Variants in CELF2 observed in about 807,000 individuals in gnomAD.
CELF2 encodes CUGBP Elav-like family member 2.
In CELF2, 8 loss-of-function variants were observed where a neutral mutation model predicts 62.6. The ratio of observed to expected loss-of-function variants is 0.13; its 90% confidence interval spans 0.07 to 0.23. The LOEUF is 0.23. Among genes scored for constraint, CELF2 ranks in the 10% least tolerant of loss-of-function variants. The pLI is 1.00. For missense variants in CELF2, 333 were observed against 671.0 expected (o/e 0.50, Z 5.56); for synonymous variants, 258 against 250.0 (o/e 1.03, Z -0.30).
chr10:10,559,372 C>T, the CELF2 span, among the ~76,000 whole-genome samples: 11 of 152,318 alleles, frequency 7.2e-5, no homozygotes, highest in South Asian at 2.3e-3. Flanking sequence ...ATTAAACTCT[C>T]TTAATCTTAA....
the CELF2 span, among the ~76,000 whole-genome samples, chr10:10,523,994 CT>C: frequency 6.6e-6 from 1 of 152,182 alleles, no homozygotes; most frequent in Non-Finnish European, 1.5e-5. Context: ...TATAGATAAA[CT>C]GTATGTGTTA....
chr10:10,982,006 A>G (rs1483238000), intron 2 of CELF2, among the ~76,000 whole-genome samples: 1 of 129,974 alleles, frequency 7.7e-6, no homozygotes, highest in Non-Finnish European at 1.5e-5. Context: ...CCCAGGCTGG[A>G]GTGCAATGGC....
At chr10:10,741,887 C>T in the CELF2 span, among the ~76,000 whole-genome samples, 1 of 152,172 alleles carries the variant, frequency 6.6e-6, no homozygotes, top group Non-Finnish European at 1.5e-5. Context: ...TTGTCTACAA[C>T]AATTGTTACT....
chr10:10,963,344 C>A (rs947678872), intron 2 of CELF2, among the ~76,000 whole-genome samples: 4 of 152,096 alleles, frequency 2.6e-5, no homozygotes, highest in Admixed American at 2.6e-4. Flanking sequence ...CATGAGCCAC[C>A]GTGCCCAGCC....
chr10:10,734,389 C>A, the CELF2 span, among the ~76,000 whole-genome samples: 1 of 152,076 alleles, frequency 6.6e-6, no homozygotes, highest in Non-Finnish European at 1.5e-5. Context: ...ATTTCATATC[C>A]CGTTTTCTCT....
In CELF2 at chr10:11,237,103, G is replaced by A. The variant is rs903141966; in HGVS notation, c.355-12050G>A. ...AGATGGAAGGCAATGACCAGAACTGGTGAGGAGGCTGTTTCGGGGATCCAG... is the reference window on the plus strand; with the variant it reads ...AGATGGAAGGCAATGACCAGAACTGATGAGGAGGCTGTTTCGGGGATCCAG... On this transcript the variant is annotated intron_variant, in intron 3 of 12. Coordinates refer to ENST00000633077, the MANE Select transcript of CELF2 (RefSeq NM_001326342.2). This position sits in a 1 kb window ranked among gnomAD's most constrained non-coding sequence, Gnocchi z 4.0. Among the ~76,000 whole-genome samples, 2 of 152,192 alleles carry A rather than the reference G, an allele frequency of 1.3e-5. No individual in the cohort carries two copies. Among genetic ancestry groups the A allele is most frequent in the Admixed American group, 1.3e-4 (2 of 15,284 alleles).
At chr10:10,949,286 A>C (rs1301288115) in intron 2 of CELF2, among the ~76,000 whole-genome samples, 1 of 151,954 alleles carries the variant, frequency 6.6e-6, no homozygotes, top group Admixed American at 6.6e-5. Flanking sequence ...TTTCCGGAGC[A>C]ACGTATCAGT....
At chr10:11,282,124 C>A (rs2089106637) in intron 8 of CELF2, among the ~76,000 whole-genome samples, 1 of 152,216 alleles carries the variant, frequency 6.6e-6, no homozygotes. Flanking sequence ...CTGGACCAGC[C>A]CTTTCCTTCC....
the CELF2 span, among the ~76,000 whole-genome samples, chr10:10,667,005 G>T: frequency 4.3e-4 from 65 of 152,066 alleles, no homozygotes; most frequent in Non-Finnish European, 7.4e-4. Context: ...ACATTTATAA[G>T]CCAAAGGCCC....
intron 1 of CELF2, among the ~76,000 whole-genome samples, chr10:11,024,343 G>A (rs1034673494): frequency 2.6e-5 from 4 of 152,148 alleles, no homozygotes; most frequent in African/African-American, 7.2e-5. Flanking sequence ...GGTTGCTCAC[G>A]CCTGTAATCC....
intron 1 of CELF2, among the ~76,000 whole-genome samples, chr10:10,892,372 C>T (rs1033983394): frequency 4.6e-5 from 7 of 152,078 alleles, no homozygotes; most frequent in Non-Finnish European, 8.8e-5. Flanking sequence ...CTACCTCATT[C>T]CCCAGAGCTC....
rs1302123032 is a variant in CELF2 at position 11,260,225 on chromosome 10, G to C, written c.538+2353G>C. On this transcript the variant is annotated intron_variant, in intron 5 of 12. Transcript: ENST00000633077. This position sits in a 1 kb window ranked among gnomAD's most constrained non-coding sequence, Gnocchi z 4.2. ...CGGCTGGTGTGCTAGCTTTTCGTCT[G>C]AGCATACCCTCTGCATGTGTTAGCG... is the stretch of plus-strand genomic sequence containing the variant. Among the ~76,000 whole-genome samples the C allele has an allele frequency of 6.6e-6, 1 of 152,170 alleles. No individual in the cohort carries two copies. The highest frequency in any genetic ancestry group is 2.4e-5 in the African/African-American group (1 of 41,426).
intron 4 of CELF2, among the ~76,000 whole-genome samples, chr10:11,253,669 A>G (rs2077799730): frequency 6.6e-6 from 1 of 152,140 alleles, no homozygotes; most frequent in African/African-American, 2.4e-5. Flanking sequence ...TTTTTTTTTA[A>G]ATGAAGTTTC....
the CELF2 span, among the ~76,000 whole-genome samples, chr10:10,463,111 A>G: frequency 6.6e-6 from 1 of 152,174 alleles, no homozygotes; most frequent in South Asian, 2.1e-4. Context: ...GTGCTCAGTA[A>G]AGTCATTTTA....
chr10:10,963,303 C>T (rs186005369), intron 2 of CELF2, among the ~76,000 whole-genome samples: 112 of 152,262 alleles, frequency 7.4e-4, no homozygotes, highest in African/African-American at 2.5e-3. Flanking sequence ...GATCCACCCA[C>T]GTTGGCCTCC....
chr10:10,979,978 G>A (rs1162251262), intron 2 of CELF2, among the ~76,000 whole-genome samples: 1 of 152,228 alleles, frequency 6.6e-6, no homozygotes, highest in African/African-American at 2.4e-5. Context: ...TAGGGAGAAT[G>A]TTGACAGTGC....
the CELF2 span, among the ~76,000 whole-genome samples, chr10:10,644,053 A>G: frequency 6.6e-6 from 1 of 152,090 alleles, no homozygotes; most frequent in African/African-American, 2.4e-5. Context: ...CCCCAAACCC[A>G]AGCCTTGCCT....
chr10:10,754,517 G>A, the CELF2 span, among the ~76,000 whole-genome samples: 1 of 152,128 alleles, frequency 6.6e-6, no homozygotes, highest in Non-Finnish European at 1.5e-5. Flanking sequence ...TTCAAATGAT[G>A]ACTACAAGGA....
chr10:11,079,658 A>G (rs2073328312), intron 1 of CELF2, among the ~76,000 whole-genome samples: 1 of 152,110 alleles, frequency 6.6e-6, no homozygotes, highest in Admixed American at 6.5e-5. Flanking sequence ...GCAGTCATGC[A>G]GAACTGTAAG....
Sources: gnomAD v4.1 joint callset for allele counts (sites outside exome capture counted in the v4.1 genomes callset) on GRCh38, gnomAD v4.1.1 for gene constraint, Gnocchi (gnomAD v3.1) non-coding constraint, MANE v1.5 for transcripts, NCBI Gene and HGNC (gene_info 2026-07-23, HGNC 2026-07-21) for gene names.